Variants in SYT1 observed in about 807,000 individuals in gnomAD.
SYT1 encodes synaptotagmin-1.
In SYT1, 8 loss-of-function variants were observed where a neutral mutation model predicts 44.8. That is an observed-to-expected ratio of 0.18 (90% CI 0.10 to 0.32). SYT1 has a LOEUF of 0.32. SYT1 is among the 10% of genes least tolerant of loss of function. SYT1 has a pLI of 1.00. For synonymous variants in SYT1, 154 were observed against 188.8 expected (o/e 0.82, Z 1.51); for missense variants, 286 against 509.3 (o/e 0.56, Z 4.22).
intron 4 of SYT1, among the ~76,000 whole-genome samples, chr12:79,231,493 T>TA (rs945695844): frequency 1.7e-3 from 245 of 147,804 alleles, no homozygotes; most frequent in African/African-American, 5.0e-3. Context: ...AAGTTTTTCT[T>TA]AAAAAAAAAA....
At chr12:78,874,052 G>A (rs528947161) in intron 1 of SYT1, among the ~76,000 whole-genome samples, 42 of 151,578 alleles carry the variant, frequency 2.8e-4, no homozygotes, top group African/African-American at 8.9e-4. Flanking sequence ...AATGAATACA[G>A]GTATTCATAT....
chr12:79,333,051 G>A (rs144428642), intron 8 of SYT1, among the ~76,000 whole-genome samples: 37 of 152,262 alleles, frequency 2.4e-4, no homozygotes, highest in African/African-American at 7.9e-4. Context: ...CATCTACAGA[G>A]GGTTATAATT....
At chr12:79,141,527 ATATAT>A (rs1298454367) in intron 3 of SYT1, among the ~76,000 whole-genome samples, 6 of 152,092 alleles carry the variant, frequency 3.9e-5, no homozygotes, top group African/African-American at 4.8e-5. Flanking sequence ...AACATGAGAA[ATATAT>A]TATAATTAAA....
At chr12:78,869,974 T>A (rs1161994222) in intron 1 of SYT1, among the ~76,000 whole-genome samples, 2 of 152,098 alleles carry the variant, frequency 1.3e-5, no homozygotes, top group African/African-American at 4.8e-5. Context: ...AGGCATTTTG[T>A]TAAAGAGGAG....
chr12:79,421,343 T>C (rs1869101115), intron 9 of SYT1, among the ~76,000 whole-genome samples: 1 of 152,154 alleles, frequency 6.6e-6, no homozygotes, highest in Non-Finnish European at 1.5e-5. Flanking sequence ...TGAACTCTTT[T>C]ATATGCTGGT....
At chr12:79,275,925 GC>G (rs1231236110) in intron 4 of SYT1, among the ~76,000 whole-genome samples, 1 of 152,242 alleles carries the variant, frequency 6.6e-6, no homozygotes, top group East Asian at 1.9e-4. Flanking sequence ...GCTACTACAA[GC>G]AGCATGTGAG....
chr12:79,251,977 A>G (rs1877237979), intron 4 of SYT1, among the ~76,000 whole-genome samples: 2 of 85,038 alleles, frequency 2.4e-5, no homozygotes, highest in African/African-American at 1.2e-4. Context: ...AACAAGATAG[A>G]TGATTGATAG....
chr12:79,079,616 G>T (rs1056673398), intron 3 of SYT1, among the ~76,000 whole-genome samples: 2 of 151,954 alleles, frequency 1.3e-5, no homozygotes, highest in Non-Finnish European at 2.9e-5. Context: ...TCAGATATTT[G>T]AATTCCTTTA....
chr12:78,876,753 A>G (rs1441422804), intron 1 of SYT1, among the ~76,000 whole-genome samples: 26 of 95,170 alleles, frequency 2.7e-4, no homozygotes, highest in Non-Finnish European at 4.6e-4. Context: ...TATATATTGT[A>G]TATTATATAT....
chr12:79,103,389 G>A (rs1164192275), intron 3 of SYT1, among the ~76,000 whole-genome samples: 4 of 151,724 alleles, frequency 2.6e-5, no homozygotes, highest in Non-Finnish European at 4.4e-5. Context: ...TCCAGAATAA[G>A]CAAAGTCCTA....
In SYT1 at chr12:78,931,230, A is replaced by AGGAAG. The variant is rs1221149198; in HGVS notation, c.-216-46568_-216-46567insGAAGG. Reference sequence around the variant, plus strand: ...AAGAAAGAAAGAAAGAAAGAAAGAAAGAAAGAAAGAAGGAAGGAAGGAAGG... The same window carrying AGGAAG: ...AAGAAAGAAAGAAAGAAAGAAAGAAAGGAAGGAAAGAAAGAAGGAAGGAAGGAAGG... On this transcript the variant is annotated intron_variant, in intron 1 of 10. Coordinates refer to ENST00000261205, the MANE Select transcript of SYT1 (RefSeq NM_005639.3). Among the ~76,000 whole-genome samples, 23 of 58,370 alleles carry AGGAAG rather than the reference A, an allele frequency of 3.9e-4. 4 individuals carry two copies. Among genetic ancestry groups the AGGAAG allele is most frequent in the African/African-American group, 2.0e-3 (20 of 9,994 alleles). 38.3% of individuals were successfully genotyped at this position (58,370 alleles called of 152,430 possible).
At chr12:79,063,066 A>C (rs368365203) in intron 3 of SYT1, among the ~76,000 whole-genome samples, 60 of 152,176 alleles carry the variant, frequency 3.9e-4, no homozygotes, top group African/African-American at 5.8e-4. Context: ...CACGGTTTAC[A>C]TAGCAGTTTC....
At chr12:79,406,611 A>AGTGT (rs1290868193) in intron 9 of SYT1, among the ~76,000 whole-genome samples, 1 of 152,106 alleles carries the variant, frequency 6.6e-6, no homozygotes, top group East Asian at 1.9e-4. Flanking sequence ...CCTAAGTGTC[A>AGTGT]CTCACTCTGA....
chr12:79,436,150 T>C (rs1210451521), intron 9 of SYT1, among the ~76,000 whole-genome samples: 4 of 152,182 alleles, frequency 2.6e-5, no homozygotes, highest in Non-Finnish European at 4.4e-5. Flanking sequence ...AGCTGTACTT[T>C]TGAAGCTTTC....
At chr12:78,999,158 A>C (rs1870565197) in intron 2 of SYT1, among the ~76,000 whole-genome samples, 1 of 152,112 alleles carries the variant, frequency 6.6e-6, no homozygotes. Context: ...AATTTTTGGA[A>C]ATTCATATCT....
At chr12:79,225,160 C>CA (rs1462777830) in intron 4 of SYT1, among the ~76,000 whole-genome samples, 2 of 150,068 alleles carry the variant, frequency 1.3e-5, no homozygotes, top group African/African-American at 4.9e-5. Flanking sequence ...TATAGAGAGG[C>CA]AAGGGTAGAA....
At chr12:79,358,989 T>C (rs998740814) in intron 9 of SYT1, among the ~76,000 whole-genome samples, 1 of 152,198 alleles carries the variant, frequency 6.6e-6, no homozygotes, top group African/African-American at 2.4e-5. Context: ...AGATTCCTCT[T>C]CTTGCCTGGC....
chr12:79,176,480 C>T (rs1429011643), intron 3 of SYT1, among the ~76,000 whole-genome samples: 2 of 151,926 alleles, frequency 1.3e-5, no homozygotes. Context: ...GTTTTATCTT[C>T]ACTCATGTAG....
intron 3 of SYT1, among the ~76,000 whole-genome samples, chr12:79,104,460 A>T (rs1039072943): frequency 1.3e-5 from 2 of 152,130 alleles, no homozygotes; most frequent in Admixed American, 6.5e-5. Flanking sequence ...AAAAGTGACC[A>T]TAAAAATTAT....
Sources: allele counts gnomAD v4.1 joint callset (sites outside exome capture counted in the v4.1 genomes callset), GRCh38; gene constraint gnomAD v4.1.1; transcripts MANE v1.5; gene names NCBI Gene and HGNC (gene_info 2026-07-23, HGNC 2026-07-21).